The following FOXN3 variants were observed in gnomAD, a reference collection of about 807,000 sequenced individuals.
FOXN3 encodes the protein forkhead box N3, also known as forkhead box protein N3.
A neutral mutation model predicts 38.4 loss-of-function variants in FOXN3; 7 were observed. The ratio of observed to expected loss-of-function variants is 0.18; its 90% CI spans 0.10 to 0.34. The LOEUF (loss-of-function observed/expected upper bound fraction) is 0.34, where lower values mean the gene tolerates loss of function less well. Ranked by LOEUF, FOXN3 falls within the 10% of genes least tolerant of loss-of-function variation. The probability of loss-of-function intolerance (pLI) is 1.00; values close to 1 mark genes in which losing one functional copy is unlikely to be tolerated. For synonymous variants in FOXN3, 230 were observed against 242.2 expected (o/e 0.95, Z 0.47); for missense variants, 456 against 613.4 (o/e 0.74, Z 2.71).
intron 2 of FOXN3, among the ~76,000 whole-genome samples, chr14:89,405,794 C>G (rs1213088451): frequency 1.3e-5 from 2 of 152,110 alleles, no homozygotes; most frequent in Non-Finnish European, 2.9e-5. Context: ...CCCCTATAAC[C>G]CATATTCACA....
At chr14:89,234,088 A>G (rs903845169) in intron 4 of FOXN3, among the ~76,000 whole-genome samples, 11 of 152,202 alleles carry the variant, frequency 7.2e-5, no homozygotes, top group Non-Finnish European at 1.5e-4. Flanking sequence ...AGACCACTTA[A>G]TAGCCATTGG....
chr14:89,481,925 G>C (rs1893339756), intron 1 of FOXN3, among the ~76,000 whole-genome samples: 1 of 152,074 alleles, frequency 6.6e-6, no homozygotes, highest in African/African-American at 2.4e-5. Flanking sequence ...AATTATATGG[G>C]GTAAACTGGC....
chr14:89,474,788 G>A (rs1893176448), intron 1 of FOXN3, among the ~76,000 whole-genome samples: 1 of 152,014 alleles, frequency 6.6e-6, no homozygotes, highest in African/African-American at 2.4e-5. Flanking sequence ...TGGTAATTTA[G>A]ATGTTTACAT....
intron 3 of FOXN3, among the ~76,000 whole-genome samples, chr14:89,317,998 A>T (rs1054359574): frequency 2.5e-4 from 37 of 150,684 alleles, no homozygotes; most frequent in African/African-American, 9.1e-4. Context: ...ACCACTGAAA[A>T]ACTGTCTTCC....
intron 4 of FOXN3, among the ~76,000 whole-genome samples, chr14:89,193,823 C>T (rs1888027937): frequency 6.6e-6 from 1 of 152,154 alleles, no homozygotes; most frequent in Non-Finnish European, 1.5e-5. Context: ...AGGAGAGTTC[C>T]AGTTGCTCCA....
At position 89,352,544 on chromosome 14, in the gene FOXN3, G is replaced by A. The variant is rs544339507; in HGVS notation, c.544-1736C>T. ...TGGCCTGATTCCATCAAAGGCTCCC[G>A]GTGGAGCCCTGGGCCAGTGGGACCT... On this transcript the variant is annotated intron_variant, in intron 2 of 5. Transcript: ENST00000557258. 3.0e-4 allele frequency among the ~76,000 whole-genome samples: 45 copies of A among 152,264 alleles called. No homozygotes were observed. In the East Asian group the frequency reaches 4.1e-3, roughly 14 times the overall value.
At chr14:89,360,746 CTCCACCACCACCTCCACCACT>C (rs1264963779) in intron 2 of FOXN3, among the ~76,000 whole-genome samples, 27 of 125,878 alleles carry the variant, frequency 2.1e-4, no homozygotes, top group South Asian at 1.4e-3. Flanking sequence ...CCAGCACCAC[CTCCACCACCACCTCCACCACT>C]ACCACCTCCA....
intron 4 of FOXN3, among the ~76,000 whole-genome samples, chr14:89,215,309 C>G (rs1166568743): frequency 6.7e-6 from 1 of 149,720 alleles, no homozygotes; most frequent in Non-Finnish European, 1.5e-5. Context: ...CCTCAAATAT[C>G]TTTTTTGCTT....
chr14:89,455,251 G>C (rs1016257355), intron 1 of FOXN3, among the ~76,000 whole-genome samples: 4 of 152,180 alleles, frequency 2.6e-5, no homozygotes, highest in African/African-American at 9.7e-5. Context: ...GACAGACAAG[G>C]GCCTGAAGTT....
intron 5 of FOXN3, among the ~76,000 whole-genome samples, chr14:89,178,169 G>A (rs545966701): frequency 9.6e-4 from 146 of 151,504 alleles, no homozygotes; most frequent in African/African-American, 3.3e-3. Context: ...ACCATGCCCA[G>A]GTCATTTTTT....
chr14:89,303,381 A>G (rs551913774), intron 3 of FOXN3, among the ~76,000 whole-genome samples: 1 of 151,920 alleles, frequency 6.6e-6, no homozygotes, highest in South Asian at 2.1e-4. Context: ...AACACAGGGT[A>G]TTATAAGTTA....
intron 3 of FOXN3, among the ~76,000 whole-genome samples, chr14:89,333,966 G>GTATATATATATATATATA (rs71130055): frequency 2.3e-5 from 3 of 131,576 alleles, no homozygotes; most frequent in Admixed American, 7.7e-5. Context: ...AATGTGGTGT[G>GTATATATATATATATATA]TATATATATA....
At chr14:89,512,137 C>G (rs1198982566) in intron 1 of FOXN3, among the ~76,000 whole-genome samples, 1 of 152,202 alleles carries the variant, frequency 6.6e-6, no homozygotes, top group Non-Finnish European at 1.5e-5. Flanking sequence ...CTACAACAAA[C>G]GACCTTCTCT....
At chr14:89,194,844 C>T (rs60745091) in intron 4 of FOXN3, among the ~76,000 whole-genome samples, 74,574 of 151,752 alleles carry the variant, frequency 0.49, 19,432 homozygotes, top group African/African-American at 0.68. Flanking sequence ...CATATATGTA[C>T]ATATTCATTG....
intron 1 of FOXN3, among the ~76,000 whole-genome samples, chr14:89,436,535 C>A (rs1189393487): frequency 6.6e-6 from 1 of 152,196 alleles, no homozygotes; most frequent in African/African-American, 2.4e-5. Context: ...GTGGGACTGA[C>A]CCCATCGTCT....
At chr14:89,256,410 G>T (rs1885622458) in intron 4 of FOXN3, among the ~76,000 whole-genome samples, 1 of 152,164 alleles carries the variant, frequency 6.6e-6, no homozygotes, top group South Asian at 2.1e-4. Context: ...TGTCTTTGAG[G>T]ACCTACGGTC....
chr14:89,323,800 T>C (rs1193441365), intron 3 of FOXN3, among the ~76,000 whole-genome samples: 1 of 152,076 alleles, frequency 6.6e-6, no homozygotes, highest in East Asian at 1.9e-4. Context: ...GCACAGTGGG[T>C]AGCAGAGGGG....
At chr14:89,487,288 A>C (rs1440008964) in intron 1 of FOXN3, among the ~76,000 whole-genome samples, 1 of 152,258 alleles carries the variant, frequency 6.6e-6, no homozygotes, top group African/African-American at 2.4e-5. Flanking sequence ...CCGGGGCCTC[A>C]AGGATAACAA....
At chr14:89,253,992 T>C (rs901860019) in intron 4 of FOXN3, among the ~76,000 whole-genome samples, 1 of 152,190 alleles carries the variant, frequency 6.6e-6, no homozygotes, top group African/African-American at 2.4e-5. Context: ...TTCTGCACCC[T>C]GTAACTGTTA....
Sources: allele counts gnomAD v4.1 joint callset (sites outside exome capture counted in the v4.1 genomes callset), GRCh38; gene constraint gnomAD v4.1.1; transcripts MANE v1.5; gene names NCBI Gene and HGNC (gene_info 2026-07-23, HGNC 2026-07-21).